The following SLC35F3 variants were observed in gnomAD, a reference collection of about 807,000 sequenced individuals.
The protein encoded by SLC35F3 is solute carrier family 35 member F3.
A neutral mutation model predicts 49.9 loss-of-function variants in SLC35F3; 25 were observed. That is an observed-to-expected ratio of 0.50 (90% CI 0.37 to 0.70). SLC35F3 has a LOEUF of 0.70. SLC35F3 is among the 30% of genes least tolerant of loss of function. The pLI is 0.00. For synonymous variants in SLC35F3, 275 were observed against 265.4 expected (o/e 1.04, Z -0.35); for missense variants, 525 against 639.8 (o/e 0.82, Z 1.94).
chr1:234,144,877 G>A (rs7553995), intron 2 of SLC35F3, among the ~76,000 whole-genome samples: 50 of 152,332 alleles, frequency 3.3e-4, no homozygotes, highest in African/African-American at 1.1e-3. Flanking sequence ...GAGATGGTCA[G>A]CCAAGAGGAC....
At chr1:234,052,106 T>A (rs1187284831) in intron 2 of SLC35F3, among the ~76,000 whole-genome samples, 5 of 152,316 alleles carry the variant, frequency 3.3e-5, no homozygotes, top group South Asian at 4.1e-4. Flanking sequence ...ATTATCTTTT[T>A]TTGTTGTGTC....
chr1:234,080,400 T>C (rs181001301), intron 2 of SLC35F3, among the ~76,000 whole-genome samples: 1 of 152,302 alleles, frequency 6.6e-6, no homozygotes, highest in East Asian at 1.9e-4. Context: ...CCCAAGAGAA[T>C]AGAAAACATA....
intron 2 of SLC35F3, among the ~76,000 whole-genome samples, chr1:234,145,739 T>G (rs1665986588): frequency 6.6e-6 from 1 of 152,338 alleles, no homozygotes; most frequent in East Asian, 1.9e-4. Context: ...ATGCAAATAC[T>G]ACACCATTTT....
chr1:233,945,675 T>TG (rs753730249), intron 2 of SLC35F3, among the ~76,000 whole-genome samples: 13 of 152,320 alleles, frequency 8.5e-5, no homozygotes, highest in Non-Finnish European at 1.5e-4. Context: ...AATTGAATCA[T>TG]GGGGGCGGTT....
intron 2 of SLC35F3, among the ~76,000 whole-genome samples, chr1:234,228,127 T>C (rs1667316230): frequency 6.6e-6 from 1 of 152,236 alleles, no homozygotes; most frequent in South Asian, 2.1e-4. Flanking sequence ...CAGTTTCTCC[T>C]GTGGCATGTC....
At chr1:234,047,426 A>G (rs1223223009) in intron 2 of SLC35F3, among the ~76,000 whole-genome samples, 1 of 152,222 alleles carries the variant, frequency 6.6e-6, no homozygotes, top group African/African-American at 2.4e-5. Flanking sequence ...CTGAATAGAA[A>G]GAAGGCTGAC....
intron 2 of SLC35F3, among the ~76,000 whole-genome samples, chr1:234,065,398 C>T (rs1300138943): frequency 2.6e-5 from 4 of 152,196 alleles, no homozygotes; most frequent in Admixed American, 6.5e-5. Flanking sequence ...TCGCCCACCT[C>T]AGCCTCCCAA....
At chr1:234,137,494 T>C (rs1045962571) in intron 2 of SLC35F3, among the ~76,000 whole-genome samples, 1 of 150,926 alleles carries the variant, frequency 6.6e-6, no homozygotes, top group African/African-American at 2.4e-5. Context: ...TCTGTGGGGG[T>C]TGAGGAAGGA....
intron 2 of SLC35F3, among the ~76,000 whole-genome samples, chr1:233,923,736 G>T (rs1662106533): frequency 6.6e-6 from 1 of 152,176 alleles, no homozygotes; most frequent in South Asian, 2.1e-4. Flanking sequence ...AGTTTTCAAA[G>T]GGAATGCTTC....
intron 2 of SLC35F3, among the ~76,000 whole-genome samples, chr1:234,028,468 C>A (rs1190405615): frequency 6.6e-6 from 1 of 152,198 alleles, no homozygotes; most frequent in Non-Finnish European, 1.5e-5. Context: ...ATCTACTCAC[C>A]AGCATCCCTG....
At chr1:234,181,576 T>C (rs1294060847) in intron 2 of SLC35F3, among the ~76,000 whole-genome samples, 3 of 152,182 alleles carry the variant, frequency 2.0e-5, no homozygotes, top group African/African-American at 7.2e-5. Flanking sequence ...TATAGGTGCC[T>C]CCTCCATTTT....
At chr1:234,319,641 C>G (rs1384190626) in intron 6 of SLC35F3, among the ~76,000 whole-genome samples, 1 of 152,118 alleles carries the variant, frequency 6.6e-6, no homozygotes, top group East Asian at 1.9e-4. Context: ...ATTGAGGCTG[C>G]AGTGAGCTAT....
At chr1:234,154,911 T>G (rs1021120801) in intron 2 of SLC35F3, among the ~76,000 whole-genome samples, 15 of 152,078 alleles carry the variant, frequency 9.9e-5, no homozygotes, top group African/African-American at 3.4e-4. Flanking sequence ...TCCATCTATA[T>G]CCGGGGGCGA....
chr1:234,156,865 G>A (rs1170725139), intron 2 of SLC35F3, among the ~76,000 whole-genome samples: 1 of 152,102 alleles, frequency 6.6e-6, no homozygotes, highest in African/African-American at 2.4e-5. Context: ...TGTCACAAAA[G>A]GGCACATGTT....
intron 2 of SLC35F3, among the ~76,000 whole-genome samples, chr1:234,170,736 A>G (rs1438768798): frequency 6.6e-6 from 1 of 152,222 alleles, no homozygotes; most frequent in Non-Finnish European, 1.5e-5. Flanking sequence ...AGAGGTGACC[A>G]GGTTACCTAA....
chr1:234,157,021 T>G (rs915874149), intron 2 of SLC35F3, among the ~76,000 whole-genome samples: 4 of 152,138 alleles, frequency 2.6e-5, no homozygotes, highest in African/African-American at 9.7e-5. Context: ...ATGATAAAAA[T>G]GTTATAAAAT....
At chr1:233,905,915 G>A (rs1209305917) in intron 2 of SLC35F3, among the ~76,000 whole-genome samples, 157 bp downstream of exon 2, 2 of 152,236 alleles carry the variant, frequency 1.3e-5, no homozygotes, top group Non-Finnish European at 2.9e-5. Flanking sequence ...GAAGAGGCCC[G>A]GAGACGGAGT....
intron 2 of SLC35F3, among the ~76,000 whole-genome samples, chr1:233,988,368 A>G (rs1410508773): frequency 6.6e-6 from 1 of 152,202 alleles, no homozygotes; most frequent in Non-Finnish European, 1.5e-5. Flanking sequence ...TTAATTCCCT[A>G]CTTTCAGTTG....
Position 234,320,266 on chromosome 1 carries a change from A to T in SLC35F3, c.1237+79A>T. On this transcript the variant is annotated intron_variant, in intron 7 of 7. Coordinates refer to ENST00000366618, the MANE Select transcript of SLC35F3 (RefSeq NM_173508.4). The surrounding 1 kb of genome is among the most constrained non-coding windows in gnomAD (Gnocchi z 4.8). ...TACTCACACACACATACACACACTC[A>T]TGCATACATACACACTCACACATAC... is the stretch of plus-strand genomic sequence containing the variant. 2 of 967,816 alleles carry T rather than the reference A, an allele frequency of 2.1e-6. No homozygotes were observed. Among genetic ancestry groups the T allele is most frequent in the South Asian group, 1.3e-5 (1 of 76,966 alleles). The allele number at this position is 967,816 out of a possible 1,614,324, so 60.0% of individuals were successfully genotyped here.
Sources: allele counts gnomAD v4.1 joint callset (sites outside exome capture counted in the v4.1 genomes callset), GRCh38; gene constraint gnomAD v4.1.1; non-coding constraint Gnocchi (gnomAD v3.1); transcripts MANE v1.5; gene names NCBI Gene and HGNC (gene_info 2026-07-23, HGNC 2026-07-21).